ADCY1: variants seen among roughly 807,000 people sequenced by gnomAD.
ADCY1 encodes the protein adenylate cyclase type 1.
In ADCY1, 28 loss-of-function variants were observed where a neutral mutation model predicts 105.4. The observed-to-expected ratio is 0.27, with a 90% CI of 0.20 to 0.36. ADCY1 has a LOEUF of 0.36. ADCY1 is among the 10% of genes least tolerant of loss of function. ADCY1 has a pLI of 1.00. For missense variants in ADCY1, 977 were observed against 1,434.2 expected, an observed-to-expected ratio of 0.68 and a Z score of 5.15; for synonymous variants, 655 against 623.8, an observed-to-expected ratio of 1.05 and a Z score of -0.75.
At chr7:45,630,931 T>C (rs1218884309) in intron 4 of ADCY1, among the ~76,000 whole-genome samples, 2 of 152,188 alleles carry the variant, frequency 1.3e-5, no homozygotes, top group Non-Finnish European at 2.9e-5. Context: ...TACCACACAC[T>C]GAGAGCAGCC....
chr7:45,707,153 T>G (rs1278872612), intron 17 of ADCY1, among the ~76,000 whole-genome samples: 1 of 152,228 alleles, frequency 6.6e-6, no homozygotes, highest in Non-Finnish European at 1.5e-5. Context: ...TGGTGGTTTC[T>G]CACAAAGTTA....
In ADCY1 at chr7:45,657,808, C is replaced by A. The variant is rs754922786; in HGVS notation, c.1230C>A (p.Gly410=). ...HTGRVLCGVL[G]LRKWQYDVWS... ...GCAGGGTCCTCTGTGGTGTCCTGGG[C>A]TTGCGCAAGTGGCAGTACGACGTGT... is the stretch of plus-strand genomic sequence containing the variant. The change falls in exon 6 of 20, where the codon GGC becomes GGA. Residue 410 remains glycine (G), a synonymous_variant. Transcript: ENST00000297323. 4 of 1,599,294 alleles carry A rather than the reference C, an allele frequency of 2.5e-6. No homozygotes were observed. The highest frequency in any genetic ancestry group is 3.4e-6 in the Non-Finnish European group (4 of 1,171,240).
At chr7:45,581,679 C>T (rs79047754) in intron 1 of ADCY1, among the ~76,000 whole-genome samples, 4,136 of 152,230 alleles carry the variant, frequency 0.027, 72 homozygotes, top group Non-Finnish European at 0.036. Context: ...GGAGTTCACA[C>T]GACCACAGGC....
intron 4 of ADCY1, among the ~76,000 whole-genome samples, chr7:45,641,688 A>G (rs1562702426): frequency 6.6e-6 from 1 of 151,498 alleles, no homozygotes; most frequent in Non-Finnish European, 1.5e-5. Context: ...GCACTTTGGG[A>G]GGCCGAGGCA....
At position 45,678,258 on chromosome 7, in the gene ADCY1, C is replaced by T; in HGVS notation, c.1893C>T (p.Phe631=). 6.2e-7 allele frequency: 1 copy of T among 1,612,652 alleles called. No individual in the cohort carries two copies. The highest frequency in any genetic ancestry group is 1.3e-5 in the African/African-American group (1 of 74,986). ...TTGGCCTTGTCTACCTTCTAATATT[C>T]CCACAGTGAGTATTTCTATCAACGA... The part of the protein sequence containing the change: ...ALFGLVYLLI[F]PQSVVVLLLL... Residue 631 remains phenylalanine, a synonymous_variant, in exon 10 of 20, where the codon TTC becomes TTT. Coordinates refer to ENST00000297323, the MANE Select transcript of ADCY1 (RefSeq NM_021116.4).
intron 5 of ADCY1, among the ~76,000 whole-genome samples, chr7:45,651,579 C>G (rs574532230): frequency 6.6e-6 from 1 of 152,162 alleles, no homozygotes; most frequent in Non-Finnish European, 1.5e-5. Context: ...TGCTGGGCCT[C>G]GCAGCTGGCC....
rs1181145884 is a variant in ADCY1, at chr7:45,719,854, G to A, written c.*5859G>A. 1 of 152,234 alleles carries A rather than the reference G, an allele frequency of 6.6e-6. No homozygotes were observed. Among genetic ancestry groups the A allele is most frequent in the African/African-American group, 2.4e-5 (1 of 41,456 alleles). The allele number at this position is 152,234 out of a possible 1,614,324, so 9.4% of individuals were successfully genotyped here. A position where few individuals can be genotyped will look rare whatever the true frequency, so the allele number is the denominator to read the frequency against. On this transcript the variant is annotated 3_prime_UTR_variant, in exon 20 of 20. Transcript: ENST00000297323. The stretch of plus-strand genomic sequence containing the variant: ...AAAATCCTTGTTATTAGAGGAGAAG[G>A]TCTGGGCAGGGGCAGCAGCATCTCA...
chr7:45,659,936 G>A, intron 6 of ADCY1, 106 bp from the exon 7 acceptor site: 3 of 1,410,596 alleles, frequency 2.1e-6, no homozygotes, highest in South Asian at 1.3e-5. Flanking sequence ...AGCCTGCCCT[G>A]GTGTGGGGAA....
intron 14 of ADCY1, among the ~76,000 whole-genome samples, chr7:45,701,557 G>A (rs1345621924): frequency 6.6e-6 from 1 of 152,150 alleles, no homozygotes; most frequent in Non-Finnish European, 1.5e-5. Flanking sequence ...ATAAAACAAA[G>A]CTATTATTTT....
At chr7:45,610,769 A>AAGGT (rs1793527993) in intron 3 of ADCY1, among the ~76,000 whole-genome samples, 1 of 21,538 alleles carries the variant, frequency 4.6e-5, no homozygotes. Flanking sequence ...TAGAGGTGAT[A>AAGGT]GTGGAGGTGT....
chr7:45,693,068 A>G (rs1009268240), intron 14 of ADCY1, among the ~76,000 whole-genome samples: 6 of 152,254 alleles, frequency 3.9e-5, no homozygotes, highest in African/African-American at 1.4e-4. Context: ...TCTTCTATCT[A>G]TAATTATAGT....
intron 8 of ADCY1, among the ~76,000 whole-genome samples, chr7:45,677,063 T>A (rs3536): frequency 6.6e-6 from 1 of 151,756 alleles, no homozygotes; most frequent in Admixed American, 6.6e-5. Flanking sequence ...AGGGACACCA[T>A]CCACCCGACA....
intron 4 of ADCY1, among the ~76,000 whole-genome samples, chr7:45,624,948 G>A (rs1400343339): frequency 2.0e-5 from 3 of 152,234 alleles, no homozygotes; most frequent in African/African-American, 4.8e-5. Context: ...CAGGACCCAC[G>A]TTGGGTCAGC....
intron 8 of ADCY1, among the ~76,000 whole-genome samples, chr7:45,662,625 T>C (rs551704351): frequency 6.6e-5 from 10 of 152,076 alleles, no homozygotes; most frequent in Non-Finnish European, 8.8e-5. Context: ...GCCTCATCTG[T>C]CTGTGCCTGT....
In ADCY1 at chr7:45,721,681, C is replaced by CG; in HGVS notation, c.*7689dup. The CG allele has an allele frequency of 2.5e-6, 1 of 398,508 alleles. No homozygotes were observed. The highest frequency in any genetic ancestry group is 4.4e-6 in the Non-Finnish European group (1 of 226,072). The allele number at this position is 398,508 out of a possible 1,614,324, so 24.7% of individuals were successfully genotyped here. On this transcript the variant is annotated 3_prime_UTR_variant, in exon 20 of 20. Transcript: ENST00000297323. ...GCTGCTGGTGAGGTAAAGGTGGGTC[C>CG]GGGTGCCTTCCCAGGGGTTAGAGGA...
At chr7:45,641,970 G>GT (rs1794538005) in intron 4 of ADCY1, among the ~76,000 whole-genome samples, 1 of 145,178 alleles carries the variant, frequency 6.9e-6, no homozygotes, top group African/African-American at 2.5e-5. Context: ...TGGCTGATTT[G>GT]TTCCAACCAG....
chr7:45,585,192 T>A (rs2115737762), intron 1 of ADCY1, among the ~76,000 whole-genome samples: 1 of 152,376 alleles, frequency 6.6e-6, no homozygotes, highest in South Asian at 2.1e-4. Flanking sequence ...TCTTAAATAC[T>A]TGTTCGTTGA....
At chr7:45,682,581 G>A (rs887333505) in intron 11 of ADCY1, among the ~76,000 whole-genome samples, 1 of 152,128 alleles carries the variant, frequency 6.6e-6, no homozygotes, top group African/African-American at 2.4e-5. Context: ...GGTGTGCCTC[G>A]GATAAGCTGC....
intron 1 of ADCY1, among the ~76,000 whole-genome samples, chr7:45,581,854 CAT>C (rs1348894039): frequency 6.6e-6 from 1 of 152,176 alleles, no homozygotes; most frequent in African/African-American, 2.4e-5. Context: ...AACACACACA[CAT>C]ACATGCACAT....
Sources: gnomAD v4.1 joint callset for allele counts (sites outside exome capture counted in the v4.1 genomes callset) on GRCh38, gnomAD v4.1.1 for gene constraint, MANE v1.5 for transcripts, NCBI Gene and HGNC (gene_info 2026-07-23, HGNC 2026-07-21) for gene names.